PGM1: variants seen among roughly 807,000 people sequenced by gnomAD.
PGM1 encodes the protein phosphoglucomutase 1, also known as phosphoglucomutase-1.
In PGM1, 52 loss-of-function variants were observed where a neutral mutation model predicts 55.6. That is an observed-to-expected ratio of 0.94 (90% confidence interval 0.75 to 1.18). PGM1 has a LOEUF of 1.18. PGM1 is among the 50% of genes most tolerant of loss of function. PGM1 has a pLI of 0.00. For missense variants in PGM1, 724 were observed against 729.3 expected (o/e 0.99, Z 0.08); for synonymous variants, 287 against 271.7 (o/e 1.06, Z -0.55).
rs1451674316 is a variant in PGM1 at position 63,651,579 on chromosome 1, G to A, written c.1281-90G>A. ...TGAAGTTAGATAGTTTTGCGGGAGG[G>A]CCAAACAAATGATGAAGAAAGTGCT... is the stretch of plus-strand genomic sequence containing the variant. On this transcript the variant is annotated intron_variant, in intron 8 of 10. Coordinates refer to ENST00000371084, the MANE Select transcript of PGM1 (RefSeq NM_002633.3). 8 of 1,253,524 alleles carry A rather than the reference G, an allele frequency of 6.4e-6. No individual in the cohort carries two copies. The East Asian group carries it at 1.2e-4, about 19-fold the overall frequency. 77.7% of individuals were successfully genotyped at this position (1,253,524 alleles called of 1,614,324 possible).
chr1:63,606,752 A>G (rs1335732853), intron 1 of PGM1, among the ~76,000 whole-genome samples: 3 of 152,240 alleles, frequency 2.0e-5, no homozygotes, highest in Non-Finnish European at 2.9e-5. Flanking sequence ...TTGGGAAACA[A>G]CCAATAGTTT....
At chr1:63,613,389 C>T (rs1189819341) in intron 1 of PGM1, among the ~76,000 whole-genome samples, 7 of 149,866 alleles carry the variant, frequency 4.7e-5, no homozygotes, top group Non-Finnish European at 1.0e-4. Flanking sequence ...AGTCTGAAAT[C>T]GAGGTGACAG....
Position 63,593,687 on chromosome 1 carries a change from A to C in PGM1, c.199A>C (p.Met67Leu). The change falls in exon 1 of 11, where the codon ATG becomes CTG. Residue 67 changes from methionine (M) to leucine (L), a missense_variant. This residue lies in a region of PGM1 where 379 missense variants were observed against 357.5 expected (regional missense o/e 1.06). Transcript: ENST00000371084. ...GGTGGGCGGGGACGGCCGGTTCTAC[A>C]TGAAGGAGGCCATCCAGCTCATCGC... ...LVVGGDGRFY[M>L]KEAIQLIARI... The C allele has an allele frequency of 2.5e-6, 4 of 1,605,444 alleles. No homozygotes were observed. The highest frequency in any genetic ancestry group is 3.4e-6 in the Non-Finnish European group (4 of 1,177,076).
At chr1:63,623,543 C>T (rs756714563) in intron 1 of PGM1, 4 of 1,612,424 alleles carry the variant, frequency 2.5e-6, no homozygotes, top group Admixed American at 3.3e-5. Flanking sequence ...TTTGCTACAG[C>T]TCCCTACCAC....
At chr1:63,636,662 A>T (rs536606046) in intron 6 of PGM1, among the ~76,000 whole-genome samples, 11 of 152,238 alleles carry the variant, frequency 7.2e-5, no homozygotes, top group Admixed American at 6.5e-4. Context: ...GCTAGACTGT[A>T]TACTTCTGCA....
chr1:63,647,063 C>T (rs530513942), intron 7 of PGM1, among the ~76,000 whole-genome samples: 164 of 151,428 alleles, frequency 1.1e-3, no homozygotes, highest in African/African-American at 3.9e-3. Context: ...GCCAACATGG[C>T]GAAACCCTGT....
rs1223232446 is a variant in PGM1 at position 63,659,586 on chromosome 1, G to A, written c.1600G>A (p.Val534Ile). The change falls in exon 11 of 11, where the codon GTC becomes ATC. Residue 534 changes from valine to isoleucine, a missense_variant and splice_region_variant. Transcript: ENST00000371084. The stretch of plus-strand genomic sequence containing the variant: ...AAGCTTCTCTCTATGTCTTCCTCAG[G>A]TCATGTTGGCCCCCCTTATTTCCAT... ...DVAKINQDPQ[V>I]MLAPLISIAL... is the part of the protein sequence containing the mutation. 6.2e-7 allele frequency: 1 copy of A among 1,613,214 alleles called. No homozygotes were observed. Among genetic ancestry groups the A allele is most frequent in the South Asian group, 1.1e-5 (1 of 91,052 alleles).
In PGM1 at chr1:63,651,804, T is replaced by A; in HGVS notation, c.1416T>A (p.Asp472Glu). 1 of 1,614,064 alleles carries A rather than the reference T, an allele frequency of 6.2e-7. No homozygotes were observed. The highest frequency in any genetic ancestry group is 1.7e-5 in the Admixed American group (1 of 60,018). The change falls in exon 9 of 11, where the codon GAT becomes GAA. Residue 472 changes from aspartate to glutamate, a missense_variant. Physicochemically the swap from Asp to Glu is conservative, Grantham distance 45 (BLOSUM62 2). Coordinates refer to ENST00000371084, the MANE Select transcript of PGM1 (RefSeq NM_002633.3). Reference sequence around the variant, plus strand: ...AAGTTTACACTGTGGAGAAGGCCGATAACTTTGAATACAGCGACCCAGTGG... The same window carrying A: ...AAGTTTACACTGTGGAGAAGGCCGAAAACTTTGAATACAGCGACCCAGTGG... ...NDKVYTVEKA[D>E]NFEYSDPVDG...
rs8294 is a variant in PGM1, at chr1:63,659,697, C to T, written c.*22C>T. The T allele has an allele frequency of 0.19, 299,343 of 1,561,276 alleles. 30,077 individuals are homozygous for T. Among genetic ancestry groups the T allele is most frequent in the Admixed American group, 0.31 (18,810 of 59,902 alleles). On this transcript the variant is annotated 3_prime_UTR_variant, in exon 11 of 11. Coordinates refer to ENST00000371084, the MANE Select transcript of PGM1 (RefSeq NM_002633.3). The stretch of plus-strand genomic sequence containing the variant: ...CTAAGAAGACAGGCCTGATGTGGTA[C>T]GTCCCTCCACCCCCGGACCCATCCA...
intron 1 of PGM1, among the ~76,000 whole-genome samples, chr1:63,598,256 A>T (rs1403827746): frequency 6.6e-6 from 1 of 152,158 alleles, no homozygotes; most frequent in African/African-American, 2.4e-5. Context: ...TGGGATTACA[A>T]GTGTGAGCCA....
chr1:63,630,087 A>G lies in PGM1; in HGVS notation c.555A>G (p.Thr185=). Residue 185 remains threonine (T), a splice_region_variant and synonymous_variant, in exon 3 of 11, where the codon ACA becomes ACG. Coordinates refer to ENST00000371084, the MANE Select transcript of PGM1 (RefSeq NM_002633.3). ...TGGAAAATAAGTTCAAACCCTTCAC[A>G]GGCATGTTTACTTTCCTCCTCTTTC... ...FDLENKFKPF[T]VEIVDSVEAY... 1 of 1,613,956 alleles carries G rather than the reference A, an allele frequency of 6.2e-7. No homozygotes were observed. The highest frequency in any genetic ancestry group is 8.5e-7 in the Non-Finnish European group (1 of 1,179,814).
At chr1:63,606,740 T>C (rs1394675231) in intron 1 of PGM1, among the ~76,000 whole-genome samples, 2 of 152,244 alleles carry the variant, frequency 1.3e-5, no homozygotes, top group South Asian at 4.1e-4. Context: ...AGAGAATTGA[T>C]GTTGGGAAAC....
intron 1 of PGM1, among the ~76,000 whole-genome samples, chr1:63,598,482 C>T (rs369289343): frequency 1.6e-4 from 25 of 152,158 alleles, no homozygotes; most frequent in African/African-American, 4.8e-4. Context: ...TGTTTTGAGA[C>T]GTCTGCAATC....
chr1:63,608,203 G>A (rs1481630524), intron 1 of PGM1, among the ~76,000 whole-genome samples: 1 of 152,224 alleles, frequency 6.6e-6, no homozygotes, highest in Non-Finnish European at 1.5e-5. Flanking sequence ...ACATTGACCT[G>A]TAGAGAGGAG....
intron 10 of PGM1, among the ~76,000 whole-genome samples, chr1:63,654,672 C>T (rs1244071127): frequency 6.6e-6 from 1 of 152,048 alleles, no homozygotes; most frequent in Non-Finnish European, 1.5e-5. Context: ...GGGAGGATCA[C>T]CTGAGCCCAG....
At chr1:63,626,739 T>C (rs953566321) in intron 1 of PGM1, among the ~76,000 whole-genome samples, 1 of 152,156 alleles carries the variant, frequency 6.6e-6, no homozygotes, top group Non-Finnish European at 1.5e-5. Flanking sequence ...AAACATGTAA[T>C]AAAATTTACC....
At chr1:63,633,932 ATTTTTTTTTTT>A (rs60609353) in intron 4 of PGM1, among the ~76,000 whole-genome samples, 1 of 35,350 alleles carries the variant, frequency 2.8e-5, no homozygotes, top group Non-Finnish European at 4.6e-5. Context: ...ATATATATAT[ATTTTTTTTTTT>A]TTTTTTTTTT....
intron 1 of PGM1, among the ~76,000 whole-genome samples, chr1:63,624,059 T>C (rs1648958754): frequency 6.6e-6 from 1 of 152,232 alleles, no homozygotes; most frequent in South Asian, 2.1e-4. Flanking sequence ...TCTTAAGCTG[T>C]TTTATCTACA....
chr1:63,630,283 C>A (rs112663168), intron 3 of PGM1, among the ~76,000 whole-genome samples, 195 bp downstream of exon 3: 138 of 152,260 alleles, frequency 9.1e-4, no homozygotes, highest in African/African-American at 3.2e-3. Flanking sequence ...TGGGCCCTGC[C>A]AGGGATCAGC....
Sources: allele counts gnomAD v4.1 joint callset (sites outside exome capture counted in the v4.1 genomes callset), GRCh38; gene constraint gnomAD v4.1.1; regional missense constraint gnomAD v4.1.1; transcripts MANE v1.5; gene names NCBI Gene and HGNC (gene_info 2026-07-23, HGNC 2026-07-21).